TMEM117: variants seen among roughly 807,000 people sequenced by gnomAD.
The protein encoded by TMEM117 is transmembrane protein 117.
Under a neutral mutation model 52.4 loss-of-function variants are expected in TMEM117, and 27 were observed. The ratio of observed to expected loss-of-function variants is 0.51; its 90% confidence interval spans 0.38 to 0.71. The LOEUF (loss-of-function observed/expected upper bound fraction) is 0.71. Among genes scored for constraint, TMEM117 ranks in the 30% least tolerant of loss-of-function variants. The pLI is 0.00. For synonymous variants in TMEM117, 215 were observed against 206.3 expected (o/e 1.04, Z -0.36); for missense variants, 556 against 630.5 (o/e 0.88, Z 1.26).
At chr12:44,122,598 G>T (rs1479473613) in intron 3 of TMEM117, among the ~76,000 whole-genome samples, 11 of 152,018 alleles carry the variant, frequency 7.2e-5, no homozygotes, top group Admixed American at 6.6e-4. Context: ...AGTGCATATT[G>T]TTCCCTGCCA....
chr12:44,237,873 A>C (rs1187988175), intron 5 of TMEM117, among the ~76,000 whole-genome samples: 1 of 152,202 alleles, frequency 6.6e-6, no homozygotes, highest in African/African-American at 2.4e-5. Flanking sequence ...AAATAGTATC[A>C]GTTGAAAATA....
At chr12:44,250,473 C>G (rs550649389) in intron 5 of TMEM117, among the ~76,000 whole-genome samples, 2 of 152,170 alleles carry the variant, frequency 1.3e-5, no homozygotes, top group Non-Finnish European at 2.9e-5. Context: ...TTTGACCCAG[C>G]AATCCCATTA....
chr12:43,824,143 A>G, the TMEM117 span, among the ~76,000 whole-genome samples: 2 of 152,154 alleles, frequency 1.3e-5, no homozygotes, highest in Admixed American at 1.3e-4. Flanking sequence ...AGGAGGGGCA[A>G]TTTTCTTGAA....
At chr12:43,918,203 C>G (rs1194297387) in intron 2 of TMEM117, among the ~76,000 whole-genome samples, 1 of 152,140 alleles carries the variant, frequency 6.6e-6, no homozygotes, top group Non-Finnish European at 1.5e-5. Context: ...CTGTCATTGC[C>G]TGGAACAGTT....
intron 2 of TMEM117, among the ~76,000 whole-genome samples, chr12:43,912,917 CT>C (rs752293396): frequency 8.5e-5 from 13 of 152,094 alleles, no homozygotes; most frequent in Non-Finnish European, 1.8e-4. Context: ...CCAAGAAAGG[CT>C]TGTCATTATT....
intron 6 of TMEM117, among the ~76,000 whole-genome samples, chr12:44,340,355 CCAAT>C (rs1459321738): frequency 2.0e-5 from 3 of 152,000 alleles, no homozygotes; most frequent in African/African-American, 7.2e-5. Context: ...TAAAGGAAAA[CCAAT>C]CAAAACAGGG....
chr12:43,970,175 G>A (rs1339339143), intron 3 of TMEM117, among the ~76,000 whole-genome samples: 2 of 152,176 alleles, frequency 1.3e-5, no homozygotes, highest in Admixed American at 6.5e-5. Flanking sequence ...GACTGTCAAT[G>A]TACAACAGTG....
chr12:44,235,001 A>C (rs1949978119), intron 5 of TMEM117, among the ~76,000 whole-genome samples: 1 of 151,492 alleles, frequency 6.6e-6, no homozygotes, highest in African/African-American at 2.4e-5. Flanking sequence ...TACCATTTTT[A>C]TGTGTCTACT....
intron 3 of TMEM117, among the ~76,000 whole-genome samples, chr12:44,124,388 CTTTA>C (rs1264989487): frequency 4.6e-5 from 7 of 152,244 alleles, no homozygotes; most frequent in South Asian, 2.1e-4. Context: ...TTTGAATACG[CTTTA>C]TTTATTTCTC....
At chr12:44,383,830 C>T (rs1482984177) in intron 7 of TMEM117, among the ~76,000 whole-genome samples, 1 of 152,134 alleles carries the variant, frequency 6.6e-6, no homozygotes, top group Admixed American at 6.6e-5. Context: ...ATGGTAAACA[C>T]TGTTTCTCAG....
chr12:44,152,296 TA>T (rs1194615043), intron 4 of TMEM117, among the ~76,000 whole-genome samples: 1 of 105,774 alleles, frequency 9.5e-6, no homozygotes, highest in Non-Finnish European at 1.6e-5. Flanking sequence ...ATTATATTTA[TA>T]ATATTTATAT....
At chr12:43,804,586 TAAAG>T in the TMEM117 span, 4 of 1,565,988 alleles carry the variant, frequency 2.6e-6, no homozygotes, top group Admixed American at 3.7e-5. Context: ...TGGAAAAAGA[TAAAG>T]AAAGTAAACT....
chr12:43,857,010 G>A (rs541262386), intron 2 of TMEM117, among the ~76,000 whole-genome samples: 26 of 152,266 alleles, frequency 1.7e-4, no homozygotes, highest in African/African-American at 5.8e-4. Context: ...TTCCTGTTAT[G>A]TTCTCTCTCC....
chr12:44,381,691 T>C (rs983380112), intron 7 of TMEM117, among the ~76,000 whole-genome samples: 1 of 152,218 alleles, frequency 6.6e-6, no homozygotes, highest in Non-Finnish European at 1.5e-5. Context: ...CTATTTCAGT[T>C]TCCTGTGTTG....
intron 3 of TMEM117, among the ~76,000 whole-genome samples, chr12:43,979,424 T>C (rs943160856): frequency 6.6e-6 from 1 of 152,176 alleles, no homozygotes; most frequent in Non-Finnish European, 1.5e-5. Flanking sequence ...ATTTACATGA[T>C]ACTGACACAT....
At chr12:44,174,309 C>T (rs1949088454) in intron 4 of TMEM117, among the ~76,000 whole-genome samples, 1 of 152,104 alleles carries the variant, frequency 6.6e-6, no homozygotes, top group South Asian at 2.1e-4. Context: ...CATTTGTTAA[C>T]ATATTGTGCA....
chr12:44,185,869 TACACACACACACACAC>T lies in TMEM117; in HGVS notation c.511-25390_511-25375del, dbSNP rs3065433. On this transcript the variant is annotated intron_variant, in intron 4 of 7. Transcript: ENST00000266534. ...TGCTCATTTTCAGACCTAAAAGACATACACACACACACACACACACACACACACACACACACACACA... is the reference window on the plus strand; with the variant it reads ...TGCTCATTTTCAGACCTAAAAGACATACACACACACACACACACACACACA... Among the ~76,000 whole-genome samples the T allele has an allele frequency of 8.4e-3, 1,134 of 135,106 alleles. 15 individuals are homozygous for T. Among genetic ancestry groups the T allele is most frequent in the African/African-American group, 0.028 (1,063 of 37,990 alleles). 88.6% of individuals were successfully genotyped at this position (135,106 alleles called of 152,430 possible).
intron 3 of TMEM117, among the ~76,000 whole-genome samples, chr12:43,947,131 T>A (rs1945146466): frequency 6.6e-6 from 1 of 152,144 alleles, no homozygotes. Flanking sequence ...GCCAGAAGTT[T>A]GAGACCAGTC....
At chr12:43,853,015 A>G (rs1245108412) in intron 2 of TMEM117, among the ~76,000 whole-genome samples, 2 of 152,232 alleles carry the variant, frequency 1.3e-5, no homozygotes, top group Non-Finnish European at 1.5e-5. Flanking sequence ...TAGGTGTTGC[A>G]TCTGAAAATG....
Sources: allele counts gnomAD v4.1 joint callset (sites outside exome capture counted in the v4.1 genomes callset), GRCh38; gene constraint gnomAD v4.1.1; transcripts MANE v1.5; gene names NCBI Gene and HGNC (gene_info 2026-07-23, HGNC 2026-07-21).